SCOC: variants seen among roughly 807,000 people sequenced by gnomAD.
SCOC encodes short coiled coil protein.
Under a neutral mutation model 9.9 loss-of-function variants are expected in SCOC, and 7 were observed. The ratio of observed to expected loss-of-function variants is 0.71; its 90% CI spans 0.40 to 1.33. The LOEUF is 1.33. Ranked by LOEUF, SCOC falls within the 40% of genes most tolerant of loss-of-function variation. SCOC has a pLI of 0.01. For missense variants in SCOC, 66 were observed against 89.7 expected, an observed-to-expected ratio of 0.74 and a Z score of 1.07; for synonymous variants, 19 against 28.2, an observed-to-expected ratio of 0.67 and a Z score of 1.03.
At chr4:140,263,420 C>T (rs1056412151) in intron 1 of SCOC, among the ~76,000 whole-genome samples, 13 of 152,204 alleles carry the variant, frequency 8.5e-5, no homozygotes, top group African/African-American at 3.1e-4. Context: ...CATTCCACAT[C>T]TGTGCTCAGA....
At chr4:140,328,038 C>T (rs554968975) in intron 1 of SCOC, among the ~76,000 whole-genome samples, 1 of 152,330 alleles carries the variant, frequency 6.6e-6, no homozygotes, top group East Asian at 1.9e-4. Context: ...GCCACGTAGT[C>T]CTTGGGGACA....
intron 1 of SCOC, among the ~76,000 whole-genome samples, chr4:140,300,322 C>G (rs976357190): frequency 1.3e-5 from 2 of 152,158 alleles, no homozygotes; most frequent in Non-Finnish European, 2.9e-5. Context: ...CTCAGTCTGC[C>G]CTGCTCAGGA....
chr4:140,272,971 A>G (rs1324546362), intron 1 of SCOC, among the ~76,000 whole-genome samples: 1 of 152,210 alleles, frequency 6.6e-6, no homozygotes, highest in Admixed American at 6.5e-5. Context: ...CTCTTTTCTT[A>G]CTGTTTCTAA....
intron 2 of SCOC, among the ~76,000 whole-genome samples, chr4:140,350,332 C>T (rs1726923618): frequency 6.6e-6 from 1 of 152,150 alleles, no homozygotes; most frequent in Non-Finnish European, 1.5e-5. Context: ...ATCTGTATTC[C>T]CAGCATCCAG....
At chr4:140,374,693 T>C (rs1458583713) in intron 1 of SCOC, among the ~76,000 whole-genome samples, 1 of 152,178 alleles carries the variant, frequency 6.6e-6, no homozygotes, top group Admixed American at 6.5e-5. Context: ...ACATCAGTGG[T>C]AGCAAAATGT....
Position 140,380,991 on chromosome 4 carries a change from GA to G in SCOC, c.138del (p.Glu47LysfsTer3), listed in dbSNP as rs781720440. ...DLSARVDAVKEENLKLKSENQ... is the reference protein window; with the variant it reads ...DLSARVDAVKXENLKLKSENQ... ...CTCTGCAAGAGTAGATGCAGTTAAG[GA>G]AGAAAATCTGAAGCTAAAATCAGAA... On this transcript the variant is annotated frameshift_variant, in exon 4 of 4. Transcript: ENST00000608372. LOFTEE classifies it high-confidence loss of function. The G allele has an allele frequency of 1.2e-6, 2 of 1,602,648 alleles. No homozygotes were observed. Among genetic ancestry groups the G allele is most frequent in the Non-Finnish European group, 1.7e-6 (2 of 1,176,806 alleles).
At chr4:140,271,438 T>C (rs945331962) in intron 1 of SCOC, among the ~76,000 whole-genome samples, 8 of 152,202 alleles carry the variant, frequency 5.3e-5, no homozygotes, top group Non-Finnish European at 1.2e-4. Flanking sequence ...CCACCTATTT[T>C]AATGAGCTAA....
chr4:140,297,710 GA>G (rs1301759888), intron 1 of SCOC, among the ~76,000 whole-genome samples: 1 of 152,114 alleles, frequency 6.6e-6, no homozygotes, highest in Non-Finnish European at 1.5e-5. Context: ...ATGATCAGAG[GA>G]AAATTTTAAA....
rs11287239 is a variant in SCOC, at chr4:140,297,269, T to TG, written c.-19+39870dup. On this transcript the variant is annotated intron_variant, in intron 1 of 4. Transcript: ENST00000394205. ...GGAGAGGAGAGCATTCTGGTGACTG[T>TG]GGGGGGGGGGGCACTGTTGTCAGTA... is the stretch of plus-strand genomic sequence containing the variant. Among the ~76,000 whole-genome samples, 307 of 148,186 alleles carry TG rather than the reference T, an allele frequency of 2.1e-3. 1 individual carries two copies. Among genetic ancestry groups the TG allele is most frequent in the Non-Finnish European group, 2.3e-3 (153 of 66,738 alleles).
At chr4:140,278,694 A>G (rs1366851835) in intron 1 of SCOC, among the ~76,000 whole-genome samples, 2 of 152,164 alleles carry the variant, frequency 1.3e-5, no homozygotes, top group South Asian at 2.1e-4. Context: ...GTTTCAATGT[A>G]TACATTTTGG....
At chr4:140,281,479 A>G in intron 1 of SCOC, among the ~76,000 whole-genome samples, 1 of 152,226 alleles carries the variant, frequency 6.6e-6, no homozygotes, top group East Asian at 1.9e-4. Flanking sequence ...TATGGGAAAC[A>G]TTTCCAGTCC....
intron 1 of SCOC, among the ~76,000 whole-genome samples, chr4:140,306,291 C>T (rs1042329180): frequency 9.2e-5 from 14 of 152,100 alleles, no homozygotes; most frequent in Admixed American, 2.0e-4. Context: ...GAAAGACCCA[C>T]CCCTTGATTC....
chr4:140,367,345 G>T (rs1727848107), intron 2 of SCOC, among the ~76,000 whole-genome samples: 2 of 152,074 alleles, frequency 1.3e-5, no homozygotes, highest in South Asian at 4.2e-4. Context: ...CTCCTTTAGT[G>T]ACCCAGACAC....
At chr4:140,329,698 A>C (rs2126492915) in intron 1 of SCOC, among the ~76,000 whole-genome samples, 1 of 152,302 alleles carries the variant, frequency 6.6e-6, no homozygotes, top group East Asian at 1.9e-4. Flanking sequence ...CATATGGAAA[A>C]ATGCTCAATA....
chr4:140,352,433 G>T (rs1727021467), intron 2 of SCOC, among the ~76,000 whole-genome samples: 1 of 152,118 alleles, frequency 6.6e-6, no homozygotes, highest in African/African-American at 2.4e-5. Context: ...CCCTGGCCCA[G>T]CAAAATGCCT....
intron 2 of SCOC, among the ~76,000 whole-genome samples, chr4:140,364,310 T>G (rs2126563761): frequency 6.6e-6 from 1 of 152,130 alleles, no homozygotes; most frequent in South Asian, 2.1e-4. Context: ...CTTAATAATT[T>G]TAGGAAGAGG....
intron 1 of SCOC, among the ~76,000 whole-genome samples, chr4:140,260,412 G>A (rs1260853300): frequency 6.6e-6 from 1 of 152,216 alleles, no homozygotes; most frequent in African/African-American, 2.4e-5. Context: ...ATGATGGCGA[G>A]TGTGTTTTTC....
intron 1 of SCOC, among the ~76,000 whole-genome samples, chr4:140,328,832 T>G (rs1732727203): frequency 6.6e-6 from 1 of 152,126 alleles, no homozygotes; most frequent in Non-Finnish European, 1.5e-5. Flanking sequence ...AACCTACTGC[T>G]CCCAAAAATG....
intron 1 of SCOC, among the ~76,000 whole-genome samples, chr4:140,267,179 T>C (rs1372699069): frequency 6.6e-6 from 1 of 152,100 alleles, no homozygotes; most frequent in Admixed American, 6.5e-5. Flanking sequence ...AAGACACTGG[T>C]GAGTCAGCGG....
Sources: gnomAD v4.1 joint callset for allele counts (sites outside exome capture counted in the v4.1 genomes callset) on GRCh38, gnomAD v4.1.1 for gene constraint, MANE v1.5 for transcripts, NCBI Gene and HGNC (gene_info 2026-07-23, HGNC 2026-07-21) for gene names.